Variants in NEB observed in about 807,000 individuals in gnomAD.
NEB encodes nemaline myopathy type 2.
Under a neutral mutation model 952.2 loss-of-function variants are expected in NEB, and 512 were observed. The ratio of observed to expected loss-of-function variants is 0.54; its 90% confidence interval spans 0.50 to 0.58. NEB has a LOEUF of 0.58. Ranked by LOEUF, NEB falls within the 20% of genes least tolerant of loss-of-function variation. NEB has a pLI of 0.00. For missense variants in NEB, 8,428 were observed against 9,231.1 expected, an observed-to-expected ratio of 0.91 and a Z score of 3.56; for synonymous variants, 2,900 against 3,149.8, an observed-to-expected ratio of 0.92 and a Z score of 2.66.
In NEB at chr2:151,533,507, C is replaced by G. The variant is rs1397998100; in HGVS notation, c.21352G>C (p.Gly7118Arg). The G allele has an allele frequency of 6.4e-7, 1 of 1,551,440 alleles. No individual in the cohort carries two copies. The highest frequency in any genetic ancestry group is 2.4e-5 in the East Asian group (1 of 40,908). The change falls in exon 143 of 182, where the codon GGA becomes CGA. Residue 7118 changes from glycine to arginine, a missense_variant. Gly to Arg is a moderately radical substitution (Grantham distance 125). Coordinates refer to ENST00000397345, the MANE Select transcript of NEB (RefSeq NM_001164508.2). The part of the protein sequence containing the change: ...KSSAKMFLQH[G>R]CNEILRPDML... ...TCTGGACGCAGAATTTCATTACATCCATGTTGCAGAAACATCTTGGCACTA... is the reference window on the plus strand; with the variant it reads ...TCTGGACGCAGAATTTCATTACATCGATGTTGCAGAAACATCTTGGCACTA...
chr2:151,640,072 A>T lies in NEB; in HGVS notation c.8686-12T>A. 1.2e-6 allele frequency: 2 copies of T among 1,602,442 alleles called. No individual in the cohort carries two copies. Among genetic ancestry groups the T allele is most frequent in the Non-Finnish European group, 1.7e-6 (2 of 1,169,674 alleles). On this transcript the variant is annotated splice_polypyrimidine_tract_variant and intron_variant, in intron 61 of 181. Transcript: ENST00000397345. ...GACTTGTACATATTCTGTTGACACA[A>T]ATAGCCAATAAATATTTATCTCTGT...
chr2:151,677,491 T>C (rs1440174281), intron 34 of NEB, 74 bp downstream of exon 34: 7 of 1,125,974 alleles, frequency 6.2e-6, no homozygotes, highest in Middle Eastern at 2.3e-4. Flanking sequence ...AGAAAAAAAA[T>C]ATATTGGGCT....
chr2:151,554,574 G>T (rs952478004), intron 125 of NEB, among the ~76,000 whole-genome samples: 1 of 152,088 alleles, frequency 6.6e-6, no homozygotes, highest in Non-Finnish European at 1.5e-5. Context: ...GAAAAGAAAA[G>T]AAATGTTCCT....
intron 3 of NEB, among the ~76,000 whole-genome samples, chr2:151,730,616 GAAAAAAA>G (rs869176689): frequency 1.6e-5 from 2 of 124,276 alleles, no homozygotes; most frequent in East Asian, 5.1e-4. Context: ...ATTTCTTAGT[GAAAAAAA>G]AAAAAAAAAA....
intron 42 of NEB, 21 bp from the exon 43 acceptor site, chr2:151,664,884 G>A: frequency 1.9e-6 from 3 of 1,556,026 alleles, no homozygotes; most frequent in Non-Finnish European, 2.6e-6. Flanking sequence ...AAAGTCAGGT[G>A]CATGATTTTA....
intron 47 of NEB, among the ~76,000 whole-genome samples, chr2:151,658,799 T>C (rs1377083991): frequency 2.0e-5 from 3 of 152,128 alleles, no homozygotes; most frequent in Non-Finnish European, 4.4e-5. Context: ...GCCTGTTTCT[T>C]TCTACCAAAT....
At chr2:151,717,897 A>G (rs1577570971) in intron 9 of NEB, among the ~76,000 whole-genome samples, 1 of 131,456 alleles carries the variant, frequency 7.6e-6, no homozygotes, top group Admixed American at 9.5e-5. Flanking sequence ...TATGTTGCCC[A>G]GGCTGGAATG....
chr2:151,618,088 C>T (rs2098265425), intron 74 of NEB, among the ~76,000 whole-genome samples, 187 bp downstream of exon 74: 1 of 152,116 alleles, frequency 6.6e-6, no homozygotes, highest in South Asian at 2.1e-4. Flanking sequence ...AACAAAAGCA[C>T]ACAGTACTTT....
intron 28 of NEB, 96 bp from the exon 29 acceptor site, chr2:151,682,865 CT>C: frequency 9.5e-7 from 1 of 1,054,228 alleles, no homozygotes; most frequent in Non-Finnish European, 1.4e-6. Context: ...TTTGAGATTT[CT>C]GACCAGCTTC....
At chr2:151,690,643 T>C (rs1425980973) in intron 24 of NEB, 84 bp downstream of exon 24, 2 of 967,362 alleles carry the variant, frequency 2.1e-6, no homozygotes, top group African/African-American at 1.6e-5. Flanking sequence ...GATGAGCCCA[T>C]GAAGATTAAG....
At position 151,568,184 on chromosome 2, in the gene NEB, A is replaced by G; in HGVS notation, c.17737-6T>C. ...CAGCCTTCCTTGTAGAGATACTGAAAGACAGAGCCACCATAAAGGGTTAAA... is the reference window on the plus strand; with the variant it reads ...CAGCCTTCCTTGTAGAGATACTGAAGGACAGAGCCACCATAAAGGGTTAAA... On this transcript the variant is annotated splice_region_variant and splice_polypyrimidine_tract_variant and intron_variant, in intron 112 of 181. Coordinates refer to ENST00000397345, the MANE Select transcript of NEB (RefSeq NM_001164508.2). 1 of 1,611,356 alleles carries G rather than the reference A, an allele frequency of 6.2e-7. No homozygotes were observed. Among genetic ancestry groups the G allele is most frequent in the Non-Finnish European group, 8.5e-7 (1 of 1,178,018 alleles).
Position 151,692,202 on chromosome 2 carries a change from T to A in NEB, c.1999-36A>T, listed in dbSNP as rs766106717. On this transcript the variant is annotated intron_variant, in intron 21 of 181. Transcript: ENST00000397345. ...AAACAAATGTAATTCAAGTTAACAA[T>A]CATTTGTCAAACAGTAGGAAAGCCC... The A allele has an allele frequency of 3.1e-6, 5 of 1,608,670 alleles. No individual in the cohort carries two copies. In the African/African-American group the frequency reaches 6.7e-5, roughly 22 times the overall value.
chr2:151,715,395 T>C (rs2099756355), intron 10 of NEB, among the ~76,000 whole-genome samples: 1 of 152,248 alleles, frequency 6.6e-6, no homozygotes, highest in Non-Finnish European at 1.5e-5. Flanking sequence ...CTAAGTGTTA[T>C]GGGATGAATG....
rs774673677 is a variant in NEB, at chr2:151,733,164, G to T, written c.-8C>A. The T allele has an allele frequency of 1.2e-6, 2 of 1,602,952 alleles. No homozygotes were observed. Among genetic ancestry groups the T allele is most frequent in the Non-Finnish European group, 1.7e-6 (2 of 1,175,164 alleles). On this transcript the variant is annotated 5_prime_UTR_variant, in exon 3 of 182. The change creates a new upstream start codon in the 5' untranslated region. Coordinates refer to ENST00000397345, the MANE Select transcript of NEB (RefSeq NM_001164508.2). ...GTCTTCGTCATCTGCCATTTTTCCA[G>T]AGTAGTAGTGGCACCTACAAACTTT... is the stretch of plus-strand genomic sequence containing the variant.
At chr2:151,638,803 CTCTCTGTG>C (rs1429830961) in intron 63 of NEB, among the ~76,000 whole-genome samples, 1 of 76,784 alleles carries the variant, frequency 1.3e-5, no homozygotes, top group East Asian at 4.3e-4. Context: ...ATATTTCTCT[CTCTCTGTG>C]TGTGTGTGTG....
rs778559521 is a variant in NEB, at chr2:151,659,051, G to T, written c.6075+14C>A. The T allele has an allele frequency of 1.3e-5, 19 of 1,511,756 alleles. No homozygotes were observed. The highest frequency in any genetic ancestry group is 1.8e-6 in the Non-Finnish European group (2 of 1,087,212). The allele number at this position is 1,511,756 out of a possible 1,614,324, so 93.6% of individuals were successfully genotyped here. A position where few individuals can be genotyped will look rare whatever the true frequency, so the allele number is the denominator to read the frequency against. On this transcript the variant is annotated intron_variant, in intron 47 of 181. Coordinates refer to ENST00000397345, the MANE Select transcript of NEB (RefSeq NM_001164508.2). ...GCTGGAGAGAAAGATGACAACAGGG[G>T]GAACTATACTTACATCACTCATATT...
intron 54 of NEB, among the ~76,000 whole-genome samples, chr2:151,647,164 G>A (rs901774064): frequency 3.3e-5 from 5 of 151,864 alleles, no homozygotes; most frequent in African/African-American, 7.3e-5. Flanking sequence ...ATGCTGGAGT[G>A]CAATGGTGCA....
In NEB at chr2:151,535,728, T is replaced by G. The variant is rs747146562; in HGVS notation, c.21275A>C (p.Asn7092Thr). 1.8e-5 allele frequency: 29 copies of G among 1,609,784 alleles called. No homozygotes were observed. Among genetic ancestry groups the G allele is most frequent in the Non-Finnish European group, 2.5e-5 (29 of 1,177,696 alleles). ...DFKYVADSPINRHFKYATQLM... is the reference protein window; with the variant it reads ...DFKYVADSPITRHFKYATQLM... ...TTGAGTTGCATACTTGAAATGCCTA[T>G]TGATCGGAGAGTCGGCAACATACTT... Residue 7092 changes from asparagine to threonine, a missense_variant, in exon 142 of 182, where the codon AAT becomes ACT. Asn to Thr is a moderately conservative substitution (Grantham distance 65, BLOSUM62 0). Coordinates refer to ENST00000397345, the MANE Select transcript of NEB (RefSeq NM_001164508.2).
At chr2:151,633,351 T>A (rs2098704858) in intron 65 of NEB, among the ~76,000 whole-genome samples, 1 of 150,846 alleles carries the variant, frequency 6.6e-6, no homozygotes. Flanking sequence ...AATTTCTTTT[T>A]AAAGTAAAAA....
Sources: gnomAD v4.1 joint callset for allele counts (sites outside exome capture counted in the v4.1 genomes callset) on GRCh38, gnomAD v4.1.1 for gene constraint, MANE v1.5 for transcripts, NCBI Gene and HGNC (gene_info 2026-07-23, HGNC 2026-07-21) for gene names.